Variants in PARM1 observed in about 807,000 individuals in gnomAD.
PARM1 encodes the protein WSC4, cell wall integrity and stress response component 4 homolog.
In PARM1, 14 loss-of-function variants were observed where a neutral mutation model predicts 24.6. The observed-to-expected ratio is 0.57, with a 90% CI of 0.38 to 0.89. PARM1 has a LOEUF of 0.89. Ranked by LOEUF, PARM1 falls within the 40% of genes least tolerant of loss-of-function variation. The pLI, the probability that PARM1 is intolerant of heterozygous loss-of-function variation, is 0.00. For synonymous variants in PARM1, 179 were observed against 156.6 expected, an observed-to-expected ratio of 1.14 and a Z score of -1.07; for missense variants, 362 against 380.4, an observed-to-expected ratio of 0.95 and a Z score of 0.40.
intron 1 of PARM1, among the ~76,000 whole-genome samples, chr4:74,996,658 C>T (rs1050293578): frequency 6.6e-6 from 1 of 152,100 alleles, no homozygotes; most frequent in Non-Finnish European, 1.5e-5. Flanking sequence ...GAGATTTTAC[C>T]ACTCTTCTCT....
intron 1 of PARM1, chr4:74,993,885 A>G (rs577446159): frequency 6.6e-6 from 1 of 152,264 alleles, no homozygotes; most frequent in Non-Finnish European, 1.5e-5. Context: ...CATTTTGTAC[A>G]CTTTAAATAG....
chr4:74,940,537 T>C (rs1721283767), intron 1 of PARM1, among the ~76,000 whole-genome samples: 1 of 152,210 alleles, frequency 6.6e-6, no homozygotes, highest in Non-Finnish European at 1.5e-5. Flanking sequence ...TAAGACACTA[T>C]CCTCATGATC....
chr4:75,020,187 C>A (rs1219143662), intron 2 of PARM1, among the ~76,000 whole-genome samples: 1 of 152,100 alleles, frequency 6.6e-6, no homozygotes, highest in Non-Finnish European at 1.5e-5. Flanking sequence ...GAATGGCAAA[C>A]ATTTACTGGT....
At position 74,933,343 on chromosome 4, in the gene PARM1, C is replaced by G. The variant is rs976324684; in HGVS notation, c.16C>G (p.Leu6Val). 5 of 1,612,512 alleles carry G rather than the reference C, an allele frequency of 3.1e-6. No homozygotes were observed. The highest frequency in any genetic ancestry group is 4.2e-6 in the Non-Finnish European group (5 of 1,179,472). MVYKT[L>V]FALCILTAGW... ...CCAGGCTACCATGGTCTACAAGACT[C>G]TCTTCGCTCTTTGCATCTTAACTGC... Residue 6 changes from leucine to valine, a missense_variant, in exon 1 of 4, where the codon CTC becomes GTC. Physicochemically the swap from Leu to Val is conservative, Grantham distance 32. Coordinates refer to ENST00000307428, the MANE Select transcript of PARM1 (RefSeq NM_015393.4).
At chr4:74,972,625 G>A (rs530174241) in intron 1 of PARM1, among the ~76,000 whole-genome samples, 1 of 152,258 alleles carries the variant, frequency 6.6e-6, no homozygotes, top group African/African-American at 2.4e-5. Flanking sequence ...AGTTATATTT[G>A]GGAGACTTGT....
chr4:75,003,812 A>C (rs1722724359), intron 1 of PARM1, among the ~76,000 whole-genome samples: 1 of 152,218 alleles, frequency 6.6e-6, no homozygotes, highest in South Asian at 2.1e-4. Context: ...GGTCCCTAAC[A>C]GTGGCTCAAC....
At chr4:74,945,337 A>G (rs956271732) in intron 1 of PARM1, among the ~76,000 whole-genome samples, 1 of 152,214 alleles carries the variant, frequency 6.6e-6, no homozygotes, top group East Asian at 1.9e-4. Context: ...TTGAGATATT[A>G]TGAATATTGT....
At chr4:75,024,133 G>A (rs1400526553) in intron 2 of PARM1, among the ~76,000 whole-genome samples, 2 of 152,052 alleles carry the variant, frequency 1.3e-5, no homozygotes, top group Non-Finnish European at 2.9e-5. Context: ...TTAGCCTGGC[G>A]TGGTAGCGGG....
intron 1 of PARM1, among the ~76,000 whole-genome samples, chr4:74,988,196 C>T (rs1722394590): frequency 6.6e-6 from 1 of 152,156 alleles, no homozygotes; most frequent in Non-Finnish European, 1.5e-5. Flanking sequence ...TGGCCATGTA[C>T]ACAGTGGATA....
At chr4:74,935,105 A>G (rs1444338363) in intron 1 of PARM1, among the ~76,000 whole-genome samples, 1 of 151,272 alleles carries the variant, frequency 6.6e-6, no homozygotes, top group East Asian at 2.0e-4. Flanking sequence ...CTGGTGGGCC[A>G]GGGACCGGCT....
chr4:74,962,573 A>G lies in PARM1; in HGVS notation c.43+29203A>G, dbSNP rs35624566. Among the ~76,000 whole-genome samples the G allele has an allele frequency of 6.8e-3, 1,032 of 152,350 alleles. 8 individuals carry two copies. Among genetic ancestry groups the G allele is most frequent in the Non-Finnish European group, 1.0e-2 (680 of 68,020 alleles). ...TATCTACCAGAGACACTTCAGATCTAAAGACACAAATAGGTTAAAAGTGAA... is the reference window on the plus strand; with the variant it reads ...TATCTACCAGAGACACTTCAGATCTGAAGACACAAATAGGTTAAAAGTGAA... On this transcript the variant is annotated intron_variant, in intron 1 of 3. Coordinates refer to ENST00000307428, the MANE Select transcript of PARM1 (RefSeq NM_015393.4).
rs774906844 is a variant in PARM1 at position 75,012,591 on chromosome 4, A to G, written c.210A>G (p.Ala70=). 3 of 1,613,870 alleles carry G rather than the reference A, an allele frequency of 1.9e-6. No homozygotes were observed. Among genetic ancestry groups the G allele is most frequent in the Non-Finnish European group, 1.7e-6 (2 of 1,179,896 alleles). Residue 70 remains alanine (A), a synonymous_variant, in exon 2 of 4, where the codon GCA becomes GCG. Coordinates refer to ENST00000307428, the MANE Select transcript of PARM1 (RefSeq NM_015393.4). ...ACAACTCGGTGCTCCCAGTTACAGC[A>G]TCAGCCCCAACATCTCTGCTTCCTA... The part of the protein sequence containing the change: ...THNNSVLPVT[A]SAPTSLLPKN...
chr4:75,003,514 C>T (rs73828403), intron 1 of PARM1, among the ~76,000 whole-genome samples: 4,550 of 152,200 alleles, frequency 0.03, 223 homozygotes, highest in African/African-American at 0.1. Flanking sequence ...AAAACAGAAG[C>T]TCTTTCCTCT....
At chr4:75,044,764 G>T (rs1270183222) in intron 3 of PARM1, among the ~76,000 whole-genome samples, 1 of 119,762 alleles carries the variant, frequency 8.3e-6, no homozygotes, top group East Asian at 4.2e-4. Context: ...GGTTTAATTG[G>T]ACTTAACAGT....
intron 1 of PARM1, among the ~76,000 whole-genome samples, chr4:74,944,982 G>A (rs1175613931): frequency 6.6e-6 from 1 of 152,140 alleles, no homozygotes; most frequent in African/African-American, 2.4e-5. Flanking sequence ...TAGAAACAAT[G>A]TAAATGTCTA....
rs777449503 is a variant in PARM1, at chr4:74,933,351, T to C, written c.24T>C (p.Ala8=). 1 of 1,612,850 alleles carries C rather than the reference T, an allele frequency of 6.2e-7. No individual in the cohort carries two copies. The highest frequency in any genetic ancestry group is 1.1e-5 in the South Asian group (1 of 90,852). The stretch of plus-strand genomic sequence containing the variant: ...CCATGGTCTACAAGACTCTCTTCGC[T>C]CTTTGCATCTTAACTGCAGGTAATT... MVYKTLF[A]LCILTAGWRV... The change falls in exon 1 of 4, where the codon GCT becomes GCC. Residue 8 remains alanine, a synonymous_variant. Coordinates refer to ENST00000307428, the MANE Select transcript of PARM1 (RefSeq NM_015393.4).
At chr4:75,016,305 C>T (rs908721135) in intron 2 of PARM1, among the ~76,000 whole-genome samples, 19 of 152,184 alleles carry the variant, frequency 1.2e-4, no homozygotes, top group Admixed American at 7.2e-4. Flanking sequence ...TCAGAATCCA[C>T]GCAGAAGTTG....
At chr4:75,024,962 C>T (rs569994452) in intron 2 of PARM1, among the ~76,000 whole-genome samples, 26 of 152,294 alleles carry the variant, frequency 1.7e-4, no homozygotes, top group Admixed American at 3.9e-4. Flanking sequence ...CCCAAAGTGC[C>T]GGGATTACAG....
At chr4:74,963,571 G>A (rs2109990617) in intron 1 of PARM1, among the ~76,000 whole-genome samples, 1 of 152,248 alleles carries the variant, frequency 6.6e-6, no homozygotes, top group Non-Finnish European at 1.5e-5. Flanking sequence ...GCATATTATA[G>A]GATTTCATTT....
Sources: allele counts gnomAD v4.1 joint callset (sites outside exome capture counted in the v4.1 genomes callset), GRCh38; gene constraint gnomAD v4.1.1; transcripts MANE v1.5; gene names NCBI Gene and HGNC (gene_info 2026-07-23, HGNC 2026-07-21).